The following HK2 variants were observed in gnomAD, a reference collection of about 807,000 sequenced individuals.
HK2 encodes hexokinase 2.
HK2 carries 42 observed loss-of-function variants against 92.9 expected under a neutral mutation model. The ratio of observed to expected loss-of-function variants is 0.45; its 90% CI spans 0.35 to 0.58. The LOEUF (loss-of-function observed/expected upper bound fraction) is 0.58, where lower values mean the gene tolerates loss of function less well. Among genes scored for constraint, HK2 ranks in the 20% least tolerant of loss-of-function variants. The pLI is 0.00. For synonymous variants in HK2, 422 were observed against 468.0 expected, an observed-to-expected ratio of 0.90 and a Z score of 1.27; for missense variants, 978 against 1,245.1, an observed-to-expected ratio of 0.79 and a Z score of 3.23.
rs773090027 is a variant in HK2 at position 74,886,664 on chromosome 2, G to A, written c.2210G>A (p.Gly737Asp). The stretch of plus-strand genomic sequence containing the variant: ...GTGGATGAGCTTTCACTCAACCCCG[G>A]CAAGCAGAGGTAGGCACCCAACTGG... ...VAVDELSLNP[G>D]KQRFEKMISG... Residue 737 changes from glycine (G) to aspartate (D), a missense_variant, in exon 15 of 18, where the codon GGC becomes GAC. By Grantham distance (94) the Gly-to-Asp change is moderately conservative. Around this residue, in one of 3 missense-constraint regions of HK2, gnomAD observed 742 missense variants for 922.5 expected, o/e 0.80. Transcript: ENST00000290573. 1 of 1,613,912 alleles carries A rather than the reference G, an allele frequency of 6.2e-7. No individual in the cohort carries two copies. The highest frequency in any genetic ancestry group is 1.7e-5 in the Admixed American group (1 of 59,996).
At chr2:74,881,427 G>A (rs1170455725) in intron 10 of HK2, among the ~76,000 whole-genome samples, 1 of 152,206 alleles carries the variant, frequency 6.6e-6, no homozygotes, top group African/African-American at 2.4e-5. Context: ...AGAGAGGAAT[G>A]CAGTGTCTCC....
chr2:74,854,331 G>T lies in HK2; in HGVS notation c.102G>T (p.Glu34Asp). The change falls in exon 2 of 18, where the codon GAG becomes GAT. Residue 34 changes from glutamate to aspartate, a missense_variant. Physicochemically the swap from Glu to Asp is conservative, Grantham distance 45. Coordinates refer to ENST00000290573, the MANE Select transcript of HK2 (RefSeq NM_000189.5). ...QYLYHMRLSD[E>D]TLLEISKRFR... ...TCTACCACATGCGCCTCTCTGATGA[G>T]ACCCTCTTGGAGATCTCTAAGCGGT... is the stretch of plus-strand genomic sequence containing the variant. 1 of 1,613,314 alleles carries T rather than the reference G, an allele frequency of 6.2e-7. No individual in the cohort carries two copies.
At position 74,858,909 on chromosome 2, in the gene HK2, A is replaced by G. The variant is rs182433433; in HGVS notation, c.226+4454A>G. On this transcript the variant is annotated intron_variant, in intron 2 of 17. Coordinates refer to ENST00000290573, the MANE Select transcript of HK2 (RefSeq NM_000189.5). ...CCCGTAGGGGTGAAATGTTCAAGGT[A>G]AATCGTGAAGTACCTGTGCTTCATA... 3.3e-5 allele frequency among the ~76,000 whole-genome samples: 5 copies of G among 152,378 alleles called. No individual in the cohort carries two copies. The East Asian group carries it at 9.6e-4, about 29-fold the overall frequency.
Position 74,850,100 on chromosome 2 carries a change from T to C in HK2, c.64-4193T>C, listed in dbSNP as rs372323428. On this transcript the variant is annotated intron_variant, in intron 1 of 17. Transcript: ENST00000290573. ...AAAGATTCCAGGCAGAAAAGTGATA[T>C]GCAGTGTTGATCAGAACAGGGCCAA... 9.2e-5 allele frequency among the ~76,000 whole-genome samples: 14 copies of C among 152,356 alleles called. No individual in the cohort carries two copies. In the South Asian group the frequency reaches 2.9e-3, roughly 32 times the overall value.
intron 2 of HK2, among the ~76,000 whole-genome samples, chr2:74,856,269 C>T (rs148139869): frequency 1.3e-5 from 2 of 152,132 alleles, no homozygotes; most frequent in African/African-American, 4.8e-5. Flanking sequence ...GGACCTGGTT[C>T]GTCTGAGACT....
intron 2 of HK2, among the ~76,000 whole-genome samples, chr2:74,861,807 G>A (rs1359418641): frequency 6.6e-6 from 1 of 152,202 alleles, no homozygotes; most frequent in Non-Finnish European, 1.5e-5. Context: ...TGTGCCAGCC[G>A]CATGTTCTAA....
intron 4 of HK2, 116 bp from the exon 5 acceptor site, chr2:74,873,160 C>T (rs989562311): frequency 3.6e-6 from 3 of 822,534 alleles, no homozygotes; most frequent in South Asian, 2.7e-5. Context: ...CACACAAATT[C>T]AATCATGACT....
At chr2:74,868,208 T>C (rs1234344869) in intron 3 of HK2, among the ~76,000 whole-genome samples, 1 of 152,166 alleles carries the variant, frequency 6.6e-6, no homozygotes, top group Non-Finnish European at 1.5e-5. Context: ...GGGGTGGCCT[T>C]GAGGTAAACC....
chr2:74,890,280 G>T (rs2104028396), intron 17 of HK2, among the ~76,000 whole-genome samples: 1 of 152,344 alleles, frequency 6.6e-6, no homozygotes, highest in South Asian at 2.1e-4. Flanking sequence ...GGAAGGATCT[G>T]TGATCACTGT....
chr2:74,855,192 C>T (rs568276875), intron 2 of HK2, among the ~76,000 whole-genome samples: 41 of 152,212 alleles, frequency 2.7e-4, no homozygotes, highest in Non-Finnish European at 5.1e-4. Flanking sequence ...GATGGGGTTT[C>T]TCATGTTGGT....
intron 2 of HK2, among the ~76,000 whole-genome samples, chr2:74,865,004 G>T (rs149503436): frequency 6.6e-6 from 1 of 151,384 alleles, no homozygotes; most frequent in South Asian, 2.1e-4. Context: ...CCTGTCTAAG[G>T]TCCAGTGCCT....
At position 74,837,102 on chromosome 2, in the gene HK2, T is replaced by A. The variant is rs72908573; in HGVS notation, c.63+2459T>A. On this transcript the variant is annotated intron_variant, in intron 1 of 17. Transcript: ENST00000290573. ...GTGTACCTGGCACTGTTCTAAGCTC[T>A]TAGGTATGTCAGCTTATTAACATTC... 2.0e-3 allele frequency among the ~76,000 whole-genome samples: 308 copies of A among 152,348 alleles called. 2 individuals carry two copies. Among genetic ancestry groups the A allele is most frequent in the African/African-American group, 7.2e-3 (301 of 41,582 alleles).
At chr2:74,888,743 T>C (rs1024034034) in intron 16 of HK2, among the ~76,000 whole-genome samples, 28 of 152,236 alleles carry the variant, frequency 1.8e-4, no homozygotes, top group African/African-American at 6.5e-4. Flanking sequence ...AAAATAGCTT[T>C]CTTTATATAG....
chr2:74,835,344 G>C (rs1470652731), intron 1 of HK2: 1 of 153,376 alleles, frequency 6.5e-6, no homozygotes, highest in Non-Finnish European at 1.5e-5. Flanking sequence ...TCTGAGTAAG[G>C]GGAGGACTTT....
At position 74,881,794 on chromosome 2, in the gene HK2, G is replaced by A. The variant is rs1364100838; in HGVS notation, c.1654G>A (p.Gly552Arg). 3 of 1,614,028 alleles carry A rather than the reference G, an allele frequency of 1.9e-6. No homozygotes were observed. In the African/African-American group the frequency reaches 4.0e-5, roughly 22 times the overall value. ...CCGTGTTCGGAATGGGAAGTGGGGT[G>A]GAGTGGAGATGCACAACAAGATCTA... ...LVRVRNGKWG[G>R]VEMHNKIYAI... Residue 552 changes from glycine (G) to arginine (R), a missense_variant, in exon 11 of 18, where the codon GGA (glycine) becomes AGA (arginine). Physicochemically the swap from Gly to Arg is moderately radical, Grantham distance 125. Around this residue, in one of 3 missense-constraint regions of HK2, gnomAD observed 742 missense variants for 922.5 expected, o/e 0.80. Coordinates refer to ENST00000290573, the MANE Select transcript of HK2 (RefSeq NM_000189.5).
rs547503455 is a variant in HK2 at position 74,845,239 on chromosome 2, A to G, written c.64-9054A>G. 1.4e-4 allele frequency among the ~76,000 whole-genome samples: 22 copies of G among 152,344 alleles called. No individual in the cohort carries two copies. The South Asian group carries it at 4.6e-3, about 32-fold the overall frequency. ...GTTAATGTATCTGTCTTCTGCCAAT[A>G]GACTCAGCCCCTTCCTGGCAGAGGC... On this transcript the variant is annotated intron_variant, in intron 1 of 17. Transcript: ENST00000290573.
At chr2:74,878,234 C>G (rs547908876) in intron 8 of HK2, among the ~76,000 whole-genome samples, 1 of 152,110 alleles carries the variant, frequency 6.6e-6, no homozygotes, top group South Asian at 2.1e-4. Context: ...TGGGCATCAC[C>G]GCAGGGTTCA....
chr2:74,885,880 AC>A (rs1558805560), intron 13 of HK2, among the ~76,000 whole-genome samples: 6 of 151,618 alleles, frequency 4.0e-5, no homozygotes, highest in Admixed American at 1.3e-4. Flanking sequence ...ACACACACAC[AC>A]ACACAGTAAA....
chr2:74,868,010 G>A (rs2103938473), intron 3 of HK2: 1 of 532,714 alleles, frequency 1.9e-6, no homozygotes, highest in Non-Finnish European at 3.5e-6. Flanking sequence ...TAGAGAAGAA[G>A]CATGAAATCC....
Sources: gnomAD v4.1 joint callset for allele counts (sites outside exome capture counted in the v4.1 genomes callset) on GRCh38, gnomAD v4.1.1 for gene constraint, gnomAD v4.1.1 regional missense constraint, MANE v1.5 for transcripts, NCBI Gene and HGNC (gene_info 2026-07-23, HGNC 2026-07-21) for gene names.